Variants in ENPP2 observed in about 807,000 individuals in gnomAD.
ENPP2 encodes ectonucleotide pyrophosphatase/phosphodiesterase 2.
A neutral mutation model predicts 120.2 loss-of-function variants in ENPP2; 51 were observed. The observed-to-expected ratio is 0.42, with a 90% CI of 0.34 to 0.54. ENPP2 has a LOEUF of 0.54. ENPP2 is among the 20% of genes least tolerant of loss of function. The probability of loss-of-function intolerance (pLI) is 0.04; values close to 1 mark genes in which losing one functional copy is unlikely to be tolerated. For missense variants in ENPP2, 920 were observed against 1,066.5 expected (o/e 0.86, Z 1.91); for synonymous variants, 365 against 366.4 (o/e 1.00, Z 0.04).
At chr8:119,669,126 T>G (rs1818166598) in intron 1 of ENPP2, among the ~76,000 whole-genome samples, 2 of 152,242 alleles carry the variant, frequency 1.3e-5, no homozygotes, top group African/African-American at 2.4e-5. Context: ...TAGATATCAA[T>G]GATGCTGAAT....
chr8:119,621,829 A>C (rs1035188677), intron 3 of ENPP2, among the ~76,000 whole-genome samples: 1 of 152,232 alleles, frequency 6.6e-6, no homozygotes, highest in Non-Finnish European at 1.5e-5. Context: ...AATTTATGAC[A>C]TCAAAGGTTT....
Position 119,586,201 on chromosome 8 carries a change from C to A in ENPP2, c.1352G>T (p.Arg451Ile). 1 of 1,614,052 alleles carries A rather than the reference C, an allele frequency of 6.2e-7. No individual in the cohort carries two copies. The highest frequency in any genetic ancestry group is 8.5e-7 in the Non-Finnish European group (1 of 1,179,966). ...IEDIHLLVER[R>I]WHVARKPLDV... ...TACCAGTTACCTTGCAACATGCCATCTGCGTTCCACCAATAAATGGATATC... is the reference window on the plus strand; with the variant it reads ...TACCAGTTACCTTGCAACATGCCATATGCGTTCCACCAATAAATGGATATC... The change falls in exon 15 of 25, where the codon AGA becomes ATA. Residue 451 changes from arginine (R) to isoleucine (I), a missense_variant. By Grantham distance (97) the Arg-to-Ile change is moderately conservative (BLOSUM62 -3). Coordinates refer to ENST00000075322, the MANE Select transcript of ENPP2 (RefSeq NM_001040092.3).
At chr8:119,650,366 TG>T (rs1271952051) in intron 1 of ENPP2, among the ~76,000 whole-genome samples, 3 of 152,210 alleles carry the variant, frequency 2.0e-5, no homozygotes, top group Non-Finnish European at 4.4e-5. Flanking sequence ...GTTTTTGTTT[TG>T]GAGTGATGAA....
intron 19 of ENPP2, among the ~76,000 whole-genome samples, chr8:119,577,069 G>A (rs961872538): frequency 6.6e-6 from 1 of 152,112 alleles, no homozygotes; most frequent in Non-Finnish European, 1.5e-5. Flanking sequence ...ATTTTGTACA[G>A]ATGTATGACA....
intron 15 of ENPP2, among the ~76,000 whole-genome samples, chr8:119,585,246 A>G (rs1039433092): frequency 3.3e-5 from 5 of 152,222 alleles, no homozygotes; most frequent in South Asian, 2.1e-4. Flanking sequence ...GAAGACTCCA[A>G]TAATTCCTGT....
intron 3 of ENPP2, among the ~76,000 whole-genome samples, chr8:119,625,334 C>G (rs1357628003): frequency 6.6e-6 from 1 of 152,002 alleles, no homozygotes; most frequent in Non-Finnish European, 1.5e-5. Context: ...AAGCAACCCC[C>G]AAAAAAGTGG....
At chr8:119,562,793 A>G in intron 24 of ENPP2, 64 bp downstream of exon 24, 1 of 1,456,004 alleles carries the variant, frequency 6.9e-7, no homozygotes, top group Non-Finnish European at 9.5e-7. Flanking sequence ...TGATGGAAAT[A>G]TAAAGTAAGA....
At chr8:119,561,151 A>T (rs16892753) in intron 24 of ENPP2, among the ~76,000 whole-genome samples, 3,288 of 152,308 alleles carry the variant, frequency 0.022, 117 homozygotes, top group African/African-American at 0.074. Flanking sequence ...TTTCTGGGAT[A>T]TATTTAAACT....
intron 12 of ENPP2, chr8:119,592,825 CTTTTTTTTT>C (rs10602946): frequency 0.026 from 2,452 of 93,666 alleles, 33 homozygotes; most frequent in African/African-American, 0.079. Flanking sequence ...ATCCCTTTGG[CTTTTTTTTT>C]TTTTTTTTTT....
chr8:119,626,803 G>A (rs1352838653), intron 2 of ENPP2, 83 bp from the exon 3 acceptor site: 3 of 1,287,780 alleles, frequency 2.3e-6, no homozygotes, highest in South Asian at 1.3e-5. Flanking sequence ...GCTGTGCGGT[G>A]TGATGCTGCA....
chr8:119,623,987 G>A (rs150503340), intron 3 of ENPP2, among the ~76,000 whole-genome samples: 3 of 152,226 alleles, frequency 2.0e-5, no homozygotes, highest in Non-Finnish European at 4.4e-5. Flanking sequence ...TAAGTGCTTA[G>A]AATTGCTTTT....
intron 1 of ENPP2, among the ~76,000 whole-genome samples, chr8:119,657,072 C>T (rs984337080): frequency 6.6e-6 from 1 of 152,082 alleles, no homozygotes; most frequent in Admixed American, 6.6e-5. Context: ...GGATTACAGG[C>T]ACCCACCATG....
intron 2 of ENPP2, among the ~76,000 whole-genome samples, chr8:119,636,715 T>C (rs1387456609): frequency 1.3e-5 from 2 of 152,134 alleles, no homozygotes. Flanking sequence ...ATCCAATCTA[T>C]ACTTTTCAAG....
At chr8:119,577,355 G>A (rs1387721625) in intron 19 of ENPP2, among the ~76,000 whole-genome samples, 2 of 152,246 alleles carry the variant, frequency 1.3e-5, no homozygotes, top group Non-Finnish European at 2.9e-5. Context: ...CATTCACAAG[G>A]ATCTCCTCCA....
At chr8:119,644,623 T>C (rs55837420) in intron 1 of ENPP2, among the ~76,000 whole-genome samples, 25,557 of 96,564 alleles carry the variant, frequency 0.26, 3,898 homozygotes, top group African/African-American at 0.45. Context: ...TATATATATA[T>C]ATACACACAC....
At chr8:119,618,244 G>A (rs917368844) in intron 5 of ENPP2, 29 of 485,376 alleles carry the variant, frequency 6.0e-5, no homozygotes, top group Admixed American at 2.5e-4. Flanking sequence ...TTTTTGTTCC[G>A]GGGATGTGCT....
intron 13 of ENPP2, among the ~76,000 whole-genome samples, chr8:119,588,136 A>G (rs79926449): frequency 0.03 from 4,645 of 152,300 alleles, 216 homozygotes; most frequent in African/African-American, 0.1. Context: ...TAAAATGTGT[A>G]TTCCATTGGC....
rs771879689 is a variant in ENPP2 at position 119,638,480 on chromosome 8, T to A, written c.81A>T (p.Gly27=). 6.2e-7 allele frequency: 1 copy of A among 1,611,336 alleles called. No homozygotes were observed. The highest frequency in any genetic ancestry group is 8.5e-7 in the Non-Finnish European group (1 of 1,177,366). ...TFAVGVNICL[G]FTAHRIKRAE... ...CTCTCTTAATTCGATGTGCAGTGAA[T>A]CCTAAGCAGATATTGACTCCAACGG... is the stretch of plus-strand genomic sequence containing the variant. The change falls in exon 2 of 25, where the codon GGA becomes GGT. Residue 27 remains glycine, a synonymous_variant. Coordinates refer to ENST00000075322, the MANE Select transcript of ENPP2 (RefSeq NM_001040092.3).
intron 5 of ENPP2, chr8:119,618,226 G>A (rs1027346513): frequency 3.6e-5 from 17 of 466,462 alleles, no homozygotes; most frequent in Admixed American, 1.6e-4. Context: ...TCATGCCTGC[G>A]AAGATCATTT....
Sources: gnomAD v4.1 joint callset for allele counts (sites outside exome capture counted in the v4.1 genomes callset) on GRCh38, gnomAD v4.1.1 for gene constraint, MANE v1.5 for transcripts, NCBI Gene and HGNC (gene_info 2026-07-23, HGNC 2026-07-21) for gene names.